The following METTL15 variants were observed in gnomAD, a reference collection of about 807,000 sequenced individuals.
METTL15 encodes 12S rRNA N(4)-cytidine methyltransferase METTL15.
Under a neutral mutation model 38.3 loss-of-function variants are expected in METTL15, and 34 were observed. That is an observed-to-expected ratio of 0.89 (90% CI 0.68 to 1.18). The LOEUF (loss-of-function observed/expected upper bound fraction) is 1.18. METTL15 is among the 50% of genes most tolerant of loss of function. The pLI is 0.00. For synonymous variants in METTL15, 162 were observed against 170.9 expected (o/e 0.95, Z 0.41); for missense variants, 438 against 498.4 (o/e 0.88, Z 1.15).
chr11:28,149,386 G>C (rs1850000350), intron 3 of METTL15, among the ~76,000 whole-genome samples: 1 of 151,688 alleles, frequency 6.6e-6, no homozygotes, highest in African/African-American at 2.4e-5. Flanking sequence ...AGTGGTGGGT[G>C]TTGAACTACC....
At chr11:28,396,257 G>T (rs1850567608) in intron 5 of METTL15, among the ~76,000 whole-genome samples, 1 of 152,112 alleles carries the variant, frequency 6.6e-6, no homozygotes, top group African/African-American at 2.4e-5. Context: ...AATCAGGCAG[G>T]AGAAAGAAAT....
At chr11:28,253,680 A>G (rs1565203722) in intron 4 of METTL15, among the ~76,000 whole-genome samples, 2 of 137,418 alleles carry the variant, frequency 1.5e-5, no homozygotes, top group South Asian at 4.5e-4. Context: ...CTTCTACTCT[A>G]TATCTACATG....
At chr11:28,209,988 C>T (rs1852557129) in intron 3 of METTL15, among the ~76,000 whole-genome samples, 1 of 152,032 alleles carries the variant, frequency 6.6e-6, no homozygotes. Flanking sequence ...TGAAAGGTCC[C>T]ATTAAACTAA....
intron 5 of METTL15, among the ~76,000 whole-genome samples, chr11:28,380,988 G>C (rs573407555): frequency 6.6e-6 from 1 of 151,780 alleles, no homozygotes; most frequent in African/African-American, 2.4e-5. Context: ...TGTCCCTTTT[G>C]TCTTTGATCT....
chr11:28,147,224 A>G (rs947548252), intron 3 of METTL15, among the ~76,000 whole-genome samples: 7 of 151,894 alleles, frequency 4.6e-5, no homozygotes, highest in Non-Finnish European at 8.8e-5. Flanking sequence ...GTGAATCTTG[A>G]AGCCTCAACA....
intron 4 of METTL15, among the ~76,000 whole-genome samples, chr11:28,236,952 A>C (rs1220227241): frequency 6.6e-6 from 1 of 151,918 alleles, no homozygotes; most frequent in Non-Finnish European, 1.5e-5. Flanking sequence ...TAGCTTGTAG[A>C]GTTTCTGCTG....
At chr11:28,241,628 G>A (rs942871167) in intron 4 of METTL15, among the ~76,000 whole-genome samples, 1 of 151,812 alleles carries the variant, frequency 6.6e-6, no homozygotes, top group Non-Finnish European at 1.5e-5. Context: ...TTTTCCAAAG[G>A]ATAAATAGGG....
chr11:28,298,437 CTG>C (rs1435481141), intron 6 of METTL15, among the ~76,000 whole-genome samples: 2 of 152,044 alleles, frequency 1.3e-5, no homozygotes, highest in Non-Finnish European at 2.9e-5. Flanking sequence ...ACTAAGGAAA[CTG>C]AGGCTCAGGG....
chr11:28,171,379 A>G (rs1009482163), intron 3 of METTL15, among the ~76,000 whole-genome samples: 11 of 152,130 alleles, frequency 7.2e-5, no homozygotes, highest in Admixed American at 5.2e-4. Context: ...GATAGAGGCA[A>G]TATTACCCAT....
chr11:28,499,825 G>C (rs796846912), intron 6 of METTL15, among the ~76,000 whole-genome samples: 6 of 152,300 alleles, frequency 3.9e-5, no homozygotes, highest in African/African-American at 1.4e-4. Flanking sequence ...GACTGGGTTA[G>C]ACCTTCAACA....
chr11:28,438,156 T>G (rs1236590311), intron 6 of METTL15, among the ~76,000 whole-genome samples: 1 of 152,234 alleles, frequency 6.6e-6, no homozygotes, highest in East Asian at 1.9e-4. Flanking sequence ...GGTAATTCCT[T>G]AGAACAGCCC....
intron 6 of METTL15, among the ~76,000 whole-genome samples, chr11:28,518,156 A>C (rs1394279173): frequency 2.0e-5 from 3 of 152,180 alleles, no homozygotes; most frequent in Admixed American, 6.5e-5. Context: ...CTCAGATTGC[A>C]GGAGAAAGGT....
chr11:28,249,889 C>T (rs1854665384), intron 4 of METTL15, among the ~76,000 whole-genome samples: 1 of 151,966 alleles, frequency 6.6e-6, no homozygotes, highest in Non-Finnish European at 1.5e-5. Flanking sequence ...ACCCTCCACC[C>T]TCAAGTAGGC....
chr11:28,286,089 G>A (rs1856252581), intron 4 of METTL15, among the ~76,000 whole-genome samples: 1 of 152,048 alleles, frequency 6.6e-6, no homozygotes, highest in Non-Finnish European at 1.5e-5. Flanking sequence ...TTATTTCAAG[G>A]AGTTAACTCA....
At chr11:28,147,565 G>A (rs546673598) in intron 3 of METTL15, among the ~76,000 whole-genome samples, 12 of 151,706 alleles carry the variant, frequency 7.9e-5, no homozygotes, top group Non-Finnish European at 1.6e-4. Flanking sequence ...TACAGTAGAT[G>A]GTCAGTCTTT....
In METTL15 at chr11:28,186,573, G is replaced by A. The variant is rs535741604; in HGVS notation, c.271-24489G>A. Reference sequence around the variant, plus strand: ...AATTATAGATAACTATAAATGCCTAGTTTTTCATCATATACAAAAATATAT... The same window carrying A: ...AATTATAGATAACTATAAATGCCTAATTTTTCATCATATACAAAAATATAT... On this transcript the variant is annotated intron_variant, in intron 3 of 6. Coordinates refer to ENST00000407364, the MANE Select transcript of METTL15 (RefSeq NM_001113528.2). 1.1e-3 allele frequency among the ~76,000 whole-genome samples: 166 copies of A among 151,100 alleles called. 1 individual carries two copies. Among genetic ancestry groups the A allele is most frequent in the Middle Eastern group, 3.4e-3 (1 of 292 alleles).
intron 4 of METTL15, among the ~76,000 whole-genome samples, chr11:28,255,102 T>C (rs1854918469): frequency 6.6e-6 from 1 of 152,186 alleles, no homozygotes; most frequent in Admixed American, 6.5e-5. Flanking sequence ...GAACATGGAA[T>C]ATCTTTCCAT....
chr11:28,444,977 G>A (rs909307585), intron 6 of METTL15, among the ~76,000 whole-genome samples: 3 of 152,152 alleles, frequency 2.0e-5, no homozygotes, highest in Non-Finnish European at 4.4e-5. Context: ...GGACCGAGGA[G>A]CTGGCTACAG....
At chr11:28,493,775 A>G (rs186358135) in intron 6 of METTL15, among the ~76,000 whole-genome samples, 65 of 152,350 alleles carry the variant, frequency 4.3e-4, no homozygotes, top group African/African-American at 1.5e-3. Flanking sequence ...TAGATTTGCA[A>G]TATCTTAGCA....
Sources: allele counts gnomAD v4.1 joint callset (sites outside exome capture counted in the v4.1 genomes callset), GRCh38; gene constraint gnomAD v4.1.1; transcripts MANE v1.5; gene names NCBI Gene and HGNC (gene_info 2026-07-23, HGNC 2026-07-21).